RFX3: variants seen among roughly 807,000 people sequenced by gnomAD.
RFX3 encodes transcription factor RFX3.
RFX3 carries 14 observed loss-of-function variants against 98.6 expected under a neutral mutation model. The ratio of observed to expected loss-of-function variants is 0.14; its 90% CI spans 0.09 to 0.22. The LOEUF (loss-of-function observed/expected upper bound fraction) is 0.22. RFX3 is among the 10% of genes least tolerant of loss of function. The pLI is 1.00. For synonymous variants in RFX3, 383 were observed against 328.4 expected (o/e 1.17, Z -1.80); for missense variants, 639 against 926.9 (o/e 0.69, Z 4.03).
At chr9:3,275,739 G>T in intron 8 of RFX3, 127 bp from the exon 9 acceptor site, 1 of 531,726 alleles carries the variant, frequency 1.9e-6, no homozygotes, top group Non-Finnish European at 3.4e-6. Flanking sequence ...AGAGAGCAAG[G>T]ACATTTTATA....
rs1826323357 is a variant in RFX3 at position 3,284,528 on chromosome 9, T to TA, written c.851+3602dup. Among the ~76,000 whole-genome samples, 3 of 151,706 alleles carry TA rather than the reference T, an allele frequency of 2.0e-5. No individual in the cohort carries two copies. The South Asian group carries it at 6.2e-4, about 31-fold the overall frequency. ...TCCTGCCTCCTTAACCATGGTATTT[T>TA]ACCTCCCCTTGATTACCCATAATGC... On this transcript the variant is annotated intron_variant, in intron 7 of 16. Transcript: ENST00000617270.
chr9:3,274,133 A>T (rs1024051284), intron 9 of RFX3, among the ~76,000 whole-genome samples: 1 of 152,222 alleles, frequency 6.6e-6, no homozygotes, highest in Non-Finnish European at 1.5e-5. Flanking sequence ...CACGTTGAAG[A>T]ACACTTCTGG....
intron 2 of RFX3, among the ~76,000 whole-genome samples, chr9:3,380,474 C>T (rs575829740): frequency 1.3e-5 from 2 of 152,146 alleles, no homozygotes; most frequent in Non-Finnish European, 2.9e-5. Context: ...GGGTTCATGG[C>T]TCATAACAGA....
At chr9:3,426,814 T>C (rs1397042799) in intron 1 of RFX3, among the ~76,000 whole-genome samples, 3 of 152,166 alleles carry the variant, frequency 2.0e-5, no homozygotes, top group African/African-American at 7.2e-5. Context: ...TACATTATGA[T>C]GAGTAGATAA....
chr9:3,363,946 G>C (rs896378996), intron 2 of RFX3, among the ~76,000 whole-genome samples: 3 of 152,244 alleles, frequency 2.0e-5, no homozygotes, highest in African/African-American at 7.2e-5. Context: ...CACGATCTCA[G>C]CTCACTGCAG....
chr9:3,467,244 TATTA>T (rs1252134148), intron 1 of RFX3, among the ~76,000 whole-genome samples: 3 of 145,274 alleles, frequency 2.1e-5, no homozygotes, highest in African/African-American at 7.6e-5. Context: ...ATACAATATA[TATTA>T]TATATACATA....
chr9:3,260,038 C>T (rs1822665285), intron 13 of RFX3, among the ~76,000 whole-genome samples: 1 of 151,512 alleles, frequency 6.6e-6, no homozygotes, highest in African/African-American at 2.4e-5. Context: ...GAAAATCTGG[C>T]AAAACTAGGA....
intron 1 of RFX3, among the ~76,000 whole-genome samples, chr9:3,396,863 A>G (rs1054387724): frequency 6.6e-6 from 1 of 152,288 alleles, no homozygotes; most frequent in South Asian, 2.1e-4. Context: ...GTCCTTTCCA[A>G]CTTTAAAACT....
chr9:3,307,441 G>A (rs62526371), intron 4 of RFX3, among the ~76,000 whole-genome samples: 14 of 152,080 alleles, frequency 9.2e-5, no homozygotes, highest in Non-Finnish European at 1.6e-4. Flanking sequence ...ATCTAGACAG[G>A]AAAACCAACT....
At position 3,482,230 on chromosome 9, in the gene RFX3, T is replaced by TA. The variant is rs869030004; in HGVS notation, c.-9+43516dup. Among the ~76,000 whole-genome samples, 1,057 of 143,124 alleles carry TA rather than the reference T, an allele frequency of 7.4e-3. 2 individuals are homozygous for TA. The highest frequency in any genetic ancestry group is 0.018 in the Middle Eastern group (5 of 278). The allele number at this position is 143,124 out of a possible 152,430, so 93.9% of individuals were successfully genotyped here. A position where few individuals can be genotyped will look rare whatever the true frequency, so the allele number is the denominator to read the frequency against. The stretch of plus-strand genomic sequence containing the variant: ...GATGTTCAAAATATGAGTGTGAAAG[T>TA]AAAAAAAAAATGGTATGACCCAATT... On this transcript the variant is annotated intron_variant, in intron 1 of 16. Coordinates refer to ENST00000617270, the MANE Select transcript of RFX3 (RefSeq NM_001282116.2).
In RFX3 at chr9:3,525,833, G is replaced by A; in HGVS notation, c.-95C>T. On this transcript the variant is annotated 5_prime_UTR_variant, in exon 1 of 17. Coordinates refer to ENST00000617270, the MANE Select transcript of RFX3 (RefSeq NM_001282116.2). The stretch of plus-strand genomic sequence containing the variant: ...GGAGGAGGAAGAGGAGGAGGAGGAG[G>A]AGAGGAGTAGTTGTTGTTGATGGGT... 5 of 967,606 alleles carry A rather than the reference G, an allele frequency of 5.2e-6. No individual in the cohort carries two copies. Among genetic ancestry groups the A allele is most frequent in the Non-Finnish European group, 6.2e-6 (5 of 812,916 alleles). 59.9% of individuals were successfully genotyped at this position (967,606 alleles called of 1,614,324 possible). A position where few individuals can be genotyped will look rare whatever the true frequency, so the allele number is the denominator to read the frequency against.
intron 1 of RFX3, among the ~76,000 whole-genome samples, chr9:3,505,788 C>A (rs1016601224): frequency 3.3e-5 from 5 of 149,908 alleles, no homozygotes; most frequent in South Asian, 2.1e-4. Context: ...CTCTCTACCC[C>A]CCTGCTTCTC....
intron 1 of RFX3, among the ~76,000 whole-genome samples, chr9:3,475,100 CA>C (rs199543385): frequency 2.7e-3 from 264 of 96,252 alleles, no homozygotes; most frequent in Non-Finnish European, 3.1e-3. Context: ...ACCCTGTCTC[CA>C]AAAAAAAAAA....
At chr9:3,505,204 A>T (rs1452418706) in intron 1 of RFX3, among the ~76,000 whole-genome samples, 1 of 53,438 alleles carries the variant, frequency 1.9e-5, no homozygotes, top group South Asian at 7.6e-4. Flanking sequence ...ATATATTTAT[A>T]TATATATGAA....
intron 1 of RFX3, among the ~76,000 whole-genome samples, chr9:3,422,909 T>A (rs1554703922): frequency 6.6e-6 from 1 of 152,032 alleles, no homozygotes; most frequent in Non-Finnish European, 1.5e-5. Flanking sequence ...GAGCTATATT[T>A]AAAAAAATAA....
At chr9:3,408,802 C>T (rs1295386508) in intron 1 of RFX3, among the ~76,000 whole-genome samples, 1 of 152,208 alleles carries the variant, frequency 6.6e-6, no homozygotes, top group East Asian at 1.9e-4. Context: ...AGTGTTCTAA[C>T]TCCAAATACA....
At chr9:3,391,602 T>C (rs1030045084) in intron 2 of RFX3, among the ~76,000 whole-genome samples, 1 of 151,976 alleles carries the variant, frequency 6.6e-6, no homozygotes, top group African/African-American at 2.4e-5. Flanking sequence ...CAGTACAATG[T>C]TTTTTCCAAA....
At chr9:3,398,985 C>T (rs1841202702) in intron 1 of RFX3, among the ~76,000 whole-genome samples, 1 of 146,524 alleles carries the variant, frequency 6.8e-6, no homozygotes, top group Non-Finnish European at 1.5e-5. Flanking sequence ...CCCAATAAGC[C>T]ACCTGGGAGA....
intron 1 of RFX3, among the ~76,000 whole-genome samples, chr9:3,495,627 A>G (rs1851054268): frequency 6.6e-6 from 1 of 152,054 alleles, no homozygotes; most frequent in African/African-American, 2.4e-5. Flanking sequence ...CTGCGTAACT[A>G]TATCTGTGTA....
Sources: allele counts gnomAD v4.1 joint callset (sites outside exome capture counted in the v4.1 genomes callset), GRCh38; gene constraint gnomAD v4.1.1; transcripts MANE v1.5; gene names NCBI Gene and HGNC (gene_info 2026-07-23, HGNC 2026-07-21).